Variants in RAB20 observed in about 807,000 individuals in gnomAD.
RAB20 encodes the protein ras-related protein Rab-20.
In RAB20, 2 loss-of-function variants were observed where a neutral mutation model predicts 3.7. The observed-to-expected ratio is 0.54, with a 90% CI of 0.22 to 1.69. The LOEUF (loss-of-function observed/expected upper bound fraction) is 1.69, where lower values mean the gene tolerates loss of function less well. Among genes scored for constraint, RAB20 ranks in the 40% most tolerant of loss-of-function variants. RAB20 has a pLI of 0.19. For missense variants in RAB20, 276 were observed against 311.9 expected (o/e 0.88, Z 0.87); for synonymous variants, 126 against 130.8 (o/e 0.96, Z 0.25).
intron 1 of RAB20, among the ~76,000 whole-genome samples, chr13:110,559,927 G>T (rs546027938): frequency 4.3e-4 from 65 of 152,272 alleles, no homozygotes; most frequent in African/African-American, 1.3e-3. Context: ...AGGGGTTTCG[G>T]TTAGGGTCCC....
At chr13:110,551,867 G>GC (rs369472487) in intron 1 of RAB20, among the ~76,000 whole-genome samples, 45 of 150,282 alleles carry the variant, frequency 3.0e-4, no homozygotes, top group African/African-American at 1.0e-3. Context: ...GATATCTTGA[G>GC]CCCAGGAGTT....
At chr13:110,543,254 A>G (rs1884796618) in intron 1 of RAB20, among the ~76,000 whole-genome samples, 2 of 151,870 alleles carry the variant, frequency 1.3e-5, no homozygotes, top group Non-Finnish European at 2.9e-5. Context: ...TCAGCCTCCC[A>G]CGTAGGTGGG....
chr13:110,560,578 C>A (rs1448143892), intron 1 of RAB20, among the ~76,000 whole-genome samples: 1 of 152,156 alleles, frequency 6.6e-6, no homozygotes, highest in African/African-American at 2.4e-5. Context: ...CATTCACTTA[C>A]AATATCTTAT....
rs562537753 is a variant in RAB20, at chr13:110,524,305, C to A, written c.173-108G>T. ...ACAGGGATGTTTATTTTTAGGGCAA[C>A]ACACACAGGATGAAATGCTTAAACA... On this transcript the variant is annotated intron_variant, in intron 1 of 1. Coordinates refer to ENST00000267328, the MANE Select transcript of RAB20 (RefSeq NM_017817.3). The A allele has an allele frequency of 2.8e-6, 4 of 1,415,520 alleles. No individual in the cohort carries two copies. The Middle Eastern group carries it at 7.9e-4, about 278-fold the overall frequency. 87.7% of individuals were successfully genotyped at this position (1,415,520 alleles called of 1,614,324 possible).
At chr13:110,558,845 G>A (rs945504488) in intron 1 of RAB20, among the ~76,000 whole-genome samples, 1 of 151,806 alleles carries the variant, frequency 6.6e-6, no homozygotes, top group Non-Finnish European at 1.5e-5. Context: ...CTACAGGTGT[G>A]CGCCACCACG....
At chr13:110,532,434 T>C (rs1194086185) in intron 1 of RAB20, among the ~76,000 whole-genome samples, 1 of 152,148 alleles carries the variant, frequency 6.6e-6, no homozygotes, top group Non-Finnish European at 1.5e-5. Context: ...TGGAGTGCAG[T>C]GATGCAATCT....
At chr13:110,532,327 A>C (rs574121824) in intron 1 of RAB20, among the ~76,000 whole-genome samples, 1 of 152,344 alleles carries the variant, frequency 6.6e-6, no homozygotes, top group East Asian at 1.9e-4. Context: ...TTGAAAAGTG[A>C]GCCCTACCAG....
At chr13:110,552,378 CAA>C (rs34348476) in intron 1 of RAB20, among the ~76,000 whole-genome samples, 23 of 121,528 alleles carry the variant, frequency 1.9e-4, no homozygotes, top group African/African-American at 5.8e-4. Context: ...GACTCTGTCT[CAA>C]AAAAAAAAAA....
intron 1 of RAB20, among the ~76,000 whole-genome samples, chr13:110,532,354 G>A (rs1164933382): frequency 1.3e-5 from 2 of 152,202 alleles, no homozygotes; most frequent in African/African-American, 2.4e-5. Context: ...CAAACACTGA[G>A]ACAACAGGAA....
In RAB20 at chr13:110,523,126, A is replaced by C. The variant is rs915044154; in HGVS notation, c.*539T>G. On this transcript the variant is annotated 3_prime_UTR_variant, in exon 2 of 2. Transcript: ENST00000267328. The stretch of plus-strand genomic sequence containing the variant: ...TAGCCAACATTGCTGCAATCAGTAT[A>C]AAAACAAAGTTATTCCTGATTTTGT... The C allele has an allele frequency of 1.2e-4, 49 of 398,458 alleles. No homozygotes were observed. Among genetic ancestry groups the C allele is most frequent in the Non-Finnish European group, 6.6e-5 (15 of 226,734 alleles). The allele number at this position is 398,458 out of a possible 1,614,324, so 24.7% of individuals were successfully genotyped here.
At chr13:110,553,664 G>C (rs1333118876) in intron 1 of RAB20, among the ~76,000 whole-genome samples, 2 of 152,200 alleles carry the variant, frequency 1.3e-5, no homozygotes, top group African/African-American at 4.8e-5. Context: ...TCAGGCCCCA[G>C]ATCTGTAGAA....
intron 1 of RAB20, among the ~76,000 whole-genome samples, chr13:110,560,376 G>C (rs1218017531): frequency 6.6e-6 from 1 of 152,226 alleles, no homozygotes; most frequent in Non-Finnish European, 1.5e-5. Context: ...CAGTTTTAAA[G>C]AGAGAATTCA....
At chr13:110,551,328 A>C (rs1327395577) in intron 1 of RAB20, among the ~76,000 whole-genome samples, 2 of 152,242 alleles carry the variant, frequency 1.3e-5, no homozygotes, top group Admixed American at 6.5e-5. Flanking sequence ...GAAAGATGGG[A>C]TAAAATTCAA....
intron 1 of RAB20, among the ~76,000 whole-genome samples, chr13:110,545,022 C>G (rs7339377): frequency 0.26 from 40,296 of 152,068 alleles, 5,537 homozygotes; most frequent in East Asian, 0.36. Flanking sequence ...TTTTCTCTTG[C>G]CGCCACCATG....
chr13:110,541,203 G>A (rs761552060), intron 1 of RAB20, among the ~76,000 whole-genome samples: 6 of 152,126 alleles, frequency 3.9e-5, no homozygotes, highest in Admixed American at 6.5e-5. Flanking sequence ...ACCTGGTCAC[G>A]GTCACGGCGC....
At position 110,561,579 on chromosome 13, in the gene RAB20, G is replaced by T. The variant is rs567857501; in HGVS notation, c.-60C>A. 151 of 1,498,072 alleles carry T rather than the reference G, an allele frequency of 1.0e-4. No individual in the cohort carries two copies. The African/African-American group carries it at 2.0e-3, about 20-fold the overall frequency. The allele number at this position is 1,498,072 out of a possible 1,614,324, so 92.8% of individuals were successfully genotyped here. ...CTCCCCGAGGCTGGCCGGCTCGTGC[G>T]CCCTGGGCGCAGCTGGAGGAGCGGA... On this transcript the variant is annotated 5_prime_UTR_variant, in exon 1 of 2. Coordinates refer to ENST00000267328, the MANE Select transcript of RAB20 (RefSeq NM_017817.3).
At chr13:110,528,827 T>TA (rs1247904062) in intron 1 of RAB20, among the ~76,000 whole-genome samples, 2 of 152,194 alleles carry the variant, frequency 1.3e-5, no homozygotes, top group African/African-American at 4.8e-5. Context: ...GAATCACAAA[T>TA]GCTAGCCAGA....
intron 1 of RAB20, among the ~76,000 whole-genome samples, chr13:110,540,963 G>C (rs1420697290): frequency 6.6e-6 from 1 of 152,176 alleles, no homozygotes; most frequent in Non-Finnish European, 1.5e-5. Flanking sequence ...CATGCCCCTG[G>C]AATGGGAGTT....
chr13:110,538,238 CAAAAAAAA>C (rs570075617), intron 1 of RAB20, among the ~76,000 whole-genome samples: 1 of 78,530 alleles, frequency 1.3e-5, no homozygotes, highest in Non-Finnish European at 2.5e-5. Context: ...GACCTTGTCT[CAAAAAAAA>C]AAAAAAAAAA....
Sources: allele counts gnomAD v4.1 joint callset (sites outside exome capture counted in the v4.1 genomes callset), GRCh38; gene constraint gnomAD v4.1.1; transcripts MANE v1.5; gene names NCBI Gene and HGNC (gene_info 2026-07-23, HGNC 2026-07-21).